Variants in HNRNPC observed in about 807,000 individuals in gnomAD.
HNRNPC encodes heterogeneous nuclear ribonucleoprotein C.
In HNRNPC, 3 loss-of-function variants were observed where a neutral mutation model predicts 33.2. The ratio of observed to expected loss-of-function variants is 0.09; its 90% CI spans 0.04 to 0.23. HNRNPC has a LOEUF of 0.23. Among genes scored for constraint, HNRNPC ranks in the 10% least tolerant of loss-of-function variants. HNRNPC has a pLI of 1.00. For missense variants in HNRNPC, 143 were observed against 366.7 expected (o/e 0.39, Z 4.98); for synonymous variants, 121 against 126.7 (o/e 0.96, Z 0.30).
Position 21,231,038 on chromosome 14 carries a change from T to C in HNRNPC, c.276A>G (p.Arg92=), listed in dbSNP as rs2139634457. The C allele has an allele frequency of 6.2e-7, 1 of 1,614,244 alleles. No individual in the cohort carries two copies. Among genetic ancestry groups the C allele is most frequent in the Non-Finnish European group, 8.5e-7 (1 of 1,180,036 alleles). The part of the protein sequence containing the change: ...INLAAEPKVN[R]GKAGVKRSAA... ...CAGATCGTTTCACACCTGCTTTTCC[T>C]CGGTTCACTTTTGGCTCTGCAGCCA... Residue 92 remains arginine (R), a synonymous_variant, in exon 4 of 9, where the codon CGA becomes CGG. Coordinates refer to ENST00000553300, the MANE Select transcript of HNRNPC (RefSeq NM_004500.4).
chr14:21,253,557 T>C (rs1018859108), intron 2 of HNRNPC, among the ~76,000 whole-genome samples: 2 of 150,140 alleles, frequency 1.3e-5, no homozygotes, highest in South Asian at 2.1e-4. Flanking sequence ...CACAGAAATA[T>C]AGACAACATT....
intron 1 of HNRNPC, among the ~76,000 whole-genome samples, chr14:21,266,915 A>AC (rs1222456966): frequency 6.0e-5 from 9 of 150,098 alleles, no homozygotes; most frequent in Non-Finnish European, 1.3e-4. Flanking sequence ...ACACGGTGAA[A>AC]CCCCGTCTCT....
chr14:21,214,000 A>C (rs1891891834), intron 5 of HNRNPC, among the ~76,000 whole-genome samples: 1 of 152,230 alleles, frequency 6.6e-6, no homozygotes, highest in African/African-American at 2.4e-5. Flanking sequence ...TTACATTTGT[A>C]AAGAGAAAAT....
intron 5 of HNRNPC, among the ~76,000 whole-genome samples, chr14:21,218,819 G>GA (rs926811643): frequency 6.8e-5 from 10 of 148,140 alleles, no homozygotes; most frequent in Middle Eastern, 3.6e-3. Context: ...GTGAGACAAA[G>GA]AAAAAAAAAT....
intron 5 of HNRNPC, among the ~76,000 whole-genome samples, chr14:21,217,542 C>T (rs924276403): frequency 6.6e-6 from 1 of 152,140 alleles, no homozygotes; most frequent in African/African-American, 2.4e-5. Flanking sequence ...ATTATTACCA[C>T]ATTGTTGGGT....
At chr14:21,234,390 A>C (rs1894441090) in intron 2 of HNRNPC, 161 bp from the exon 3 acceptor site, 1 of 558,382 alleles carries the variant, frequency 1.8e-6, no homozygotes, top group Middle Eastern at 4.7e-4. Context: ...ATAATTTCAG[A>C]GACTCCAGCC....
At chr14:21,222,012 G>A (rs1055455732) in intron 5 of HNRNPC, among the ~76,000 whole-genome samples, 1 of 110,344 alleles carries the variant, frequency 9.1e-6, no homozygotes, top group Non-Finnish European at 1.7e-5. Flanking sequence ...CTGCACTCCA[G>A]ATTGAGTGAC....
chr14:21,224,034 A>G lies in HNRNPC; in HGVS notation c.365+6285T>C, dbSNP rs189496111. Among the ~76,000 whole-genome samples, 332 of 152,264 alleles carry G rather than the reference A, an allele frequency of 2.2e-3. 1 individual carries two copies. Among genetic ancestry groups the G allele is most frequent in the African/African-American group, 6.0e-3 (250 of 41,510 alleles). ...ATGCCTTTCAATGCAGAATGTCCCC[A>G]GTTTTCAAACTTCAAATAACCTAAG... On this transcript the variant is annotated intron_variant, in intron 5 of 8. Coordinates refer to ENST00000553300, the MANE Select transcript of HNRNPC (RefSeq NM_004500.4).
chr14:21,258,232 A>T (rs1008657664), intron 2 of HNRNPC, among the ~76,000 whole-genome samples: 31 of 152,048 alleles, frequency 2.0e-4, no homozygotes, highest in African/African-American at 7.5e-4. Context: ...CTCTACTAAA[A>T]TATAAAAATT....
At chr14:21,217,376 C>A (rs1422447161) in intron 5 of HNRNPC, among the ~76,000 whole-genome samples, 2 of 152,194 alleles carry the variant, frequency 1.3e-5, no homozygotes, top group Admixed American at 6.5e-5. Flanking sequence ...ACTGCAAGCA[C>A]CACTCATTTA....
chr14:21,230,658 C>T, intron 4 of HNRNPC: 1 of 494,990 alleles, frequency 2.0e-6, no homozygotes, highest in Non-Finnish European at 3.6e-6. Flanking sequence ...TCTTATACCA[C>T]ACTTCTACCC....
rs1276952251 is a variant in HNRNPC, at chr14:21,210,641, G to A, written c.*582C>T. 6.6e-6 allele frequency: 1 copy of A among 152,094 alleles called. No individual in the cohort carries two copies. The highest frequency in any genetic ancestry group is 1.9e-4 in the East Asian group (1 of 5,186). The allele number at this position is 152,094 out of a possible 1,614,324, so 9.4% of individuals were successfully genotyped here. A position where few individuals can be genotyped will look rare whatever the true frequency, so the allele number is the denominator to read the frequency against. ...AGGCTGTTCACAAAAATAACCCACAGTATCAACTTTAGAAAACAAATCTTA... is the reference window on the plus strand; with the variant it reads ...AGGCTGTTCACAAAAATAACCCACAATATCAACTTTAGAAAACAAATCTTA... On this transcript the variant is annotated 3_prime_UTR_variant, in exon 9 of 9. Transcript: ENST00000553300.
At chr14:21,241,713 A>G (rs895289899) in intron 2 of HNRNPC, among the ~76,000 whole-genome samples, 1 of 152,210 alleles carries the variant, frequency 6.6e-6, no homozygotes, top group Non-Finnish European at 1.5e-5. Context: ...TCAGAGGCCA[A>G]CAATGCCTGG....
intron 2 of HNRNPC, among the ~76,000 whole-genome samples, chr14:21,249,894 T>C (rs1043086177): frequency 6.6e-6 from 1 of 152,194 alleles, no homozygotes; most frequent in Non-Finnish European, 1.5e-5. Context: ...AAAGAATGCT[T>C]TACCTAGGTT....
intron 1 of HNRNPC, among the ~76,000 whole-genome samples, chr14:21,267,600 C>G (rs1356445921): frequency 6.6e-6 from 1 of 152,086 alleles, no homozygotes; most frequent in African/African-American, 2.4e-5. Flanking sequence ...TCAACTTTTC[C>G]CCCTAGCCAA....
At chr14:21,221,554 C>T (rs11849527) in intron 5 of HNRNPC, among the ~76,000 whole-genome samples, 2,444 of 152,256 alleles carry the variant, frequency 0.016, 33 homozygotes, top group Middle Eastern at 0.078. Context: ...CTCTACAAAA[C>T]GACTTAGCAC....
At chr14:21,235,265 T>A (rs1373147292) in intron 2 of HNRNPC, among the ~76,000 whole-genome samples, 2 of 152,178 alleles carry the variant, frequency 1.3e-5, no homozygotes, top group Admixed American at 1.3e-4. Context: ...GATTTCCCCT[T>A]CATCCCTTTG....
In HNRNPC at chr14:21,215,909, A is replaced by AAAAG. The variant is rs386380834; in HGVS notation, c.366-2796_366-2793dup. Among the ~76,000 whole-genome samples, 5 of 149,886 alleles carry AAAAG rather than the reference A, an allele frequency of 3.3e-5. 1 individual carries two copies. The highest frequency in any genetic ancestry group is 7.4e-5 in the Non-Finnish European group (5 of 67,690). ...GCAAGACTCCGTCTTAAAAAAAAAA[A>AAAAG]AAAGAAAGGAAGAAAGAAAGAAAAG... is the stretch of plus-strand genomic sequence containing the variant. On this transcript the variant is annotated intron_variant, in intron 5 of 8. Coordinates refer to ENST00000553300, the MANE Select transcript of HNRNPC (RefSeq NM_004500.4).
At chr14:21,265,733 A>C (rs887482269) in intron 1 of HNRNPC, among the ~76,000 whole-genome samples, 5 of 152,216 alleles carry the variant, frequency 3.3e-5, no homozygotes, top group Non-Finnish European at 7.3e-5. Flanking sequence ...AGCTGAGATG[A>C]CACTACTGCA....
Sources: allele counts gnomAD v4.1 joint callset (sites outside exome capture counted in the v4.1 genomes callset), GRCh38; gene constraint gnomAD v4.1.1; transcripts MANE v1.5; gene names NCBI Gene and HGNC (gene_info 2026-07-23, HGNC 2026-07-21).